The following NAALADL2 variants were observed in gnomAD, a reference collection of about 807,000 sequenced individuals.
NAALADL2 encodes inactive N-acetylated-alpha-linked acidic dipeptidase-like protein 2.
In NAALADL2, 76 loss-of-function variants were observed where a neutral mutation model predicts 87.2. That is an observed-to-expected ratio of 0.87 (90% CI 0.72 to 1.05). The LOEUF (loss-of-function observed/expected upper bound fraction) is 1.05, where lower values mean the gene tolerates loss of function less well. Among genes scored for constraint, NAALADL2 ranks in the 50% least tolerant of loss-of-function variants. The probability of loss-of-function intolerance (pLI) is 0.00; values close to 1 mark genes in which losing one functional copy is unlikely to be tolerated. For synonymous variants in NAALADL2, 354 were observed against 331.0 expected, an observed-to-expected ratio of 1.07 and a Z score of -0.75; for missense variants, 1,089 against 945.8, an observed-to-expected ratio of 1.15 and a Z score of -1.99.
chr3:175,395,666 T>C (rs1769685421), intron 5 of NAALADL2, among the ~76,000 whole-genome samples: 1 of 152,198 alleles, frequency 6.6e-6, no homozygotes, highest in South Asian at 2.1e-4. Flanking sequence ...GGAACTTCAT[T>C]TGCCATTTTC....
At chr3:174,470,532 T>TGA (rs1305124327) in intron 1 of NAALADL2, among the ~76,000 whole-genome samples, 53 of 152,308 alleles carry the variant, frequency 3.5e-4, no homozygotes, top group African/African-American at 1.2e-3. Context: ...TTTGAAGTCT[T>TGA]AGTCATAAAT....
chr3:174,738,434 A>G (rs1044055530), intron 3 of NAALADL2, among the ~76,000 whole-genome samples: 1 of 152,198 alleles, frequency 6.6e-6, no homozygotes, highest in Non-Finnish European at 1.5e-5. Context: ...AAGGAGTTAG[A>G]TTAAATAAGG....
intron 2 of NAALADL2, among the ~76,000 whole-genome samples, chr3:175,211,742 C>T (rs1295798729): frequency 6.6e-6 from 1 of 151,814 alleles, no homozygotes; most frequent in African/African-American, 2.4e-5. Context: ...AAGAGTTAAT[C>T]CAAAGATAAC....
intron 2 of NAALADL2, among the ~76,000 whole-genome samples, chr3:175,209,191 A>G (rs924943033): frequency 6.6e-6 from 1 of 152,076 alleles, no homozygotes; most frequent in Non-Finnish European, 1.5e-5. Context: ...AAAATGGTAA[A>G]TATTGGTTTT....
intron 5 of NAALADL2, among the ~76,000 whole-genome samples, chr3:175,363,140 T>G (rs1391857820): frequency 5.4e-5 from 8 of 147,822 alleles, no homozygotes; most frequent in Admixed American, 4.9e-4. Flanking sequence ...TTCAGCTTTC[T>G]ATTTAGTTGT....
chr3:174,840,050 A>G (rs1396130311), intron 3 of NAALADL2, among the ~76,000 whole-genome samples: 1 of 151,996 alleles, frequency 6.6e-6, no homozygotes, highest in Non-Finnish European at 1.5e-5. Context: ...ATACTTGCAC[A>G]TGCATTTATA....
Position 174,792,736 on chromosome 3 carries a change from C to T in NAALADL2, c.-9+54990C>T, listed in dbSNP as rs148265454. Among the ~76,000 whole-genome samples the T allele has an allele frequency of 1.9e-3, 282 of 152,204 alleles. 1 individual carries two copies. The highest frequency in any genetic ancestry group is 6.5e-3 in the African/African-American group (272 of 41,540). On this transcript the variant is annotated intron_variant, in intron 3 of 3. Coordinates refer to the NAALADL2 transcript ENST00000434257. ...ACATTCTTCTTGGAAAAAATAACAG[C>T]TGAAATTTCAAAGTTGTGAACAAAA...
At chr3:175,182,976 A>G (rs1008648933) in intron 2 of NAALADL2, among the ~76,000 whole-genome samples, 1 of 151,964 alleles carries the variant, frequency 6.6e-6, no homozygotes, top group African/African-American at 2.4e-5. Context: ...GAGGTAGTGT[A>G]ATGCCTCCAA....
intron 11 of NAALADL2, among the ~76,000 whole-genome samples, chr3:175,631,624 A>G (rs1476576960): frequency 6.6e-6 from 1 of 151,968 alleles, no homozygotes; most frequent in African/African-American, 2.4e-5. Flanking sequence ...AGGGCAATAC[A>G]TGCTGCATCA....
At chr3:175,787,633 C>T (rs1413444464) in intron 13 of NAALADL2, among the ~76,000 whole-genome samples, 1 of 152,156 alleles carries the variant, frequency 6.6e-6, no homozygotes, top group Non-Finnish European at 1.5e-5. Flanking sequence ...GTGAGATGAA[C>T]CCGGTACCTC....
intron 13 of NAALADL2, chr3:175,775,109 T>TTTTTTTTTTTTA (rs1750041274): frequency 6.6e-6 from 1 of 151,018 alleles, no homozygotes; most frequent in African/African-American, 2.4e-5. Context: ...TTTTTTTTTT[T>TTTTTTTTTTTTA]AGAAATTCTC....
At chr3:175,366,619 G>A (rs1765607342) in intron 5 of NAALADL2, among the ~76,000 whole-genome samples, 1 of 151,776 alleles carries the variant, frequency 6.6e-6, no homozygotes, top group Admixed American at 6.6e-5. Flanking sequence ...GTGATGATGA[G>A]CATTTTTTCA....
chr3:174,805,390 T>TA (rs1719346658), intron 3 of NAALADL2, among the ~76,000 whole-genome samples: 2 of 152,264 alleles, frequency 1.3e-5, no homozygotes, highest in South Asian at 2.1e-4. Context: ...TGTTTTTTGT[T>TA]CTTTTTTTTG....
chr3:175,240,800 C>T (rs1746725431), intron 3 of NAALADL2, among the ~76,000 whole-genome samples: 1 of 152,100 alleles, frequency 6.6e-6, no homozygotes, highest in South Asian at 2.1e-4. Flanking sequence ...GGATTACAGG[C>T]ATGTGCCACC....
intron 10 of NAALADL2, among the ~76,000 whole-genome samples, chr3:175,602,632 T>C (rs192975369): frequency 3.2e-4 from 49 of 152,260 alleles, no homozygotes; most frequent in African/African-American, 1.1e-3. Context: ...ATCTAGACTT[T>C]AAAGCACCAG....
At chr3:175,789,344 CTT>C (rs1247506626) in intron 13 of NAALADL2, among the ~76,000 whole-genome samples, 1 of 152,260 alleles carries the variant, frequency 6.6e-6, no homozygotes, top group African/African-American at 2.4e-5. Flanking sequence ...AATGTAGACT[CTT>C]TTGTATATGT....
At chr3:174,547,728 A>G (rs551036773) in intron 1 of NAALADL2, among the ~76,000 whole-genome samples, 14 of 152,280 alleles carry the variant, frequency 9.2e-5, no homozygotes, top group African/African-American at 3.1e-4. Context: ...CTCCTAGAGC[A>G]ATAGTTCTGA....
At chr3:175,767,336 A>G (rs906583459) in intron 13 of NAALADL2, among the ~76,000 whole-genome samples, 8 of 152,198 alleles carry the variant, frequency 5.3e-5, no homozygotes, top group African/African-American at 1.9e-4. Context: ...GCTAAATTTA[A>G]TACATGATTT....
intron 3 of NAALADL2, among the ~76,000 whole-genome samples, chr3:174,775,155 A>C (rs1191959108): frequency 1.3e-5 from 2 of 152,106 alleles, no homozygotes; most frequent in South Asian, 2.1e-4. Flanking sequence ...AATTTATATA[A>C]TATGATATTC....
Sources: allele counts gnomAD v4.1 joint callset (sites outside exome capture counted in the v4.1 genomes callset), GRCh38; gene constraint gnomAD v4.1.1; transcripts MANE v1.5; gene names NCBI Gene and HGNC (gene_info 2026-07-23, HGNC 2026-07-21).